DNAJC6: variants seen among roughly 807,000 people sequenced by gnomAD.
DNAJC6 encodes the protein auxilin.
Under a neutral mutation model 110.0 loss-of-function variants are expected in DNAJC6, and 34 were observed. That is an observed-to-expected ratio of 0.31 (90% CI 0.24 to 0.41). The LOEUF is 0.41. DNAJC6 is among the 10% of genes least tolerant of loss of function. The pLI is 1.00. For missense variants in DNAJC6, 1,031 were observed against 1,207.8 expected (o/e 0.85, Z 2.17); for synonymous variants, 406 against 437.2 (o/e 0.93, Z 0.89).
At chr1:65,316,282 T>A (rs1645147916) in intron 1 of DNAJC6, among the ~76,000 whole-genome samples, 1 of 152,166 alleles carries the variant, frequency 6.6e-6, no homozygotes, top group Non-Finnish European at 1.5e-5. Flanking sequence ...TACACTGTTC[T>A]CTCAACTCAG....
Position 65,265,024 on chromosome 1 carries a change from T to C in DNAJC6, c.-131+92T>C. 7 of 1,193,704 alleles carry C rather than the reference T, an allele frequency of 5.9e-6. No homozygotes were observed. The Admixed American group carries it at 1.0e-4, about 18-fold the overall frequency. 73.9% of individuals were successfully genotyped at this position (1,193,704 alleles called of 1,614,324 possible). A position where few individuals can be genotyped will look rare whatever the true frequency, so the allele number is the denominator to read the frequency against. ...TGTCACTCCACAGACATATTTAGTT[T>C]GTATTAATGGCTAGTTTAAAATTAC... On this transcript the variant is annotated intron_variant, in intron 1 of 19. Transcript: ENST00000263441.
chr1:65,321,416 G>A (rs1645196112), intron 1 of DNAJC6, among the ~76,000 whole-genome samples: 2 of 74,330 alleles, frequency 2.7e-5, no homozygotes, highest in South Asian at 4.5e-4. Flanking sequence ...TGCCCAGGAC[G>A]GTCTTGAGAC....
At chr1:65,344,450 CT>C (rs573400793) in intron 1 of DNAJC6, among the ~76,000 whole-genome samples, 1 of 152,140 alleles carries the variant, frequency 6.6e-6, no homozygotes, top group African/African-American at 2.4e-5. Flanking sequence ...ACATCCGACT[CT>C]TTTGATGGTT....
chr1:65,385,946 A>T, intron 7 of DNAJC6, 40 bp downstream of exon 7: 1 of 1,490,578 alleles, frequency 6.7e-7, no homozygotes, highest in Middle Eastern at 1.8e-4. Flanking sequence ...GTACTTCTCA[A>T]TTCTCATGTA....
At chr1:65,292,335 T>G (rs1320020035) in intron 1 of DNAJC6, among the ~76,000 whole-genome samples, 2 of 148,242 alleles carry the variant, frequency 1.3e-5, no homozygotes, top group Admixed American at 6.7e-5. Context: ...TTTTTTTTGT[T>G]TTTTTTTTTT....
chr1:65,404,735 T>A (rs1646059283), intron 15 of DNAJC6, among the ~76,000 whole-genome samples: 1 of 152,190 alleles, frequency 6.6e-6, no homozygotes. Flanking sequence ...AGTGAAAGGC[T>A]TAGCAATTAG....
chr1:65,340,451 G>GATA (rs1312943936), intron 1 of DNAJC6, among the ~76,000 whole-genome samples: 1 of 152,152 alleles, frequency 6.6e-6, no homozygotes, highest in Non-Finnish European at 1.5e-5. Context: ...TGCTATTGGC[G>GATA]ATTGCACTGA....
chr1:65,369,336 T>G (rs1193798880), intron 4 of DNAJC6, among the ~76,000 whole-genome samples: 1 of 152,208 alleles, frequency 6.6e-6, no homozygotes, highest in African/African-American at 2.4e-5. Context: ...CTCCTAGACC[T>G]TTCTTTCCCC....
intron 1 of DNAJC6, among the ~76,000 whole-genome samples, chr1:65,330,052 A>G (rs1437999711): frequency 6.6e-6 from 1 of 152,142 alleles, no homozygotes; most frequent in Non-Finnish European, 1.5e-5. Context: ...AGCCCTGTTT[A>G]ACTTACTGCC....
At chr1:65,275,587 T>C (rs1211717880) in intron 1 of DNAJC6, among the ~76,000 whole-genome samples, 1 of 152,212 alleles carries the variant, frequency 6.6e-6, no homozygotes, top group African/African-American at 2.4e-5. Flanking sequence ...TCAGTCCTTC[T>C]TGAATCTGTG....
At chr1:65,411,731 G>T (rs1249594810) in intron 18 of DNAJC6, among the ~76,000 whole-genome samples, 1 of 152,020 alleles carries the variant, frequency 6.6e-6, no homozygotes. Flanking sequence ...CACTTTGGGG[G>T]GGGCAGGGTA....
intron 1 of DNAJC6, among the ~76,000 whole-genome samples, chr1:65,319,934 TTC>T (rs1645182826): frequency 6.6e-6 from 1 of 152,144 alleles, no homozygotes; most frequent in Admixed American, 6.5e-5. Flanking sequence ...TCTCCTCCCC[TTC>T]TCTCTAGTCA....
At chr1:65,288,510 A>G (rs1426778264) in intron 1 of DNAJC6, among the ~76,000 whole-genome samples, 1 of 152,208 alleles carries the variant, frequency 6.6e-6, no homozygotes, top group Non-Finnish European at 1.5e-5. Flanking sequence ...CTACATAATG[A>G]TTTGTGAGTG....
At chr1:65,368,908 A>G (rs1645679123) in intron 4 of DNAJC6, among the ~76,000 whole-genome samples, 1 of 151,498 alleles carries the variant, frequency 6.6e-6, no homozygotes. Context: ...AGTAGCTGGG[A>G]TTACAGATGT....
At chr1:65,350,401 T>C (rs1205876019) in intron 1 of DNAJC6, among the ~76,000 whole-genome samples, 2 of 152,234 alleles carry the variant, frequency 1.3e-5, no homozygotes, top group Non-Finnish European at 2.9e-5. Flanking sequence ...TTTAAGCCTT[T>C]GAACATATTA....
intron 1 of DNAJC6, among the ~76,000 whole-genome samples, chr1:65,341,730 G>A (rs1275289173): frequency 6.6e-6 from 1 of 152,012 alleles, no homozygotes; most frequent in East Asian, 1.9e-4. Flanking sequence ...GCTGGTGCAT[G>A]TGGCTTTTGA....
Position 65,389,667 on chromosome 1 carries a change from T to C in DNAJC6, c.1468+40T>C, listed in dbSNP as rs774945685. 8.8e-6 allele frequency: 14 copies of C among 1,598,530 alleles called. No individual in the cohort carries two copies. In the Admixed American group the frequency reaches 1.3e-4, roughly 15 times the overall value. On this transcript the variant is annotated intron_variant, in intron 11 of 18. Transcript: ENST00000371069. ...TTCTTTAAGTCACATGGTTTGATGA[T>C]TATGTATTTCTTCTGTAAAGATGTT...
chr1:65,348,575 A>G (rs1259836724), intron 1 of DNAJC6, among the ~76,000 whole-genome samples: 1 of 152,150 alleles, frequency 6.6e-6, no homozygotes, highest in Admixed American at 6.6e-5. Flanking sequence ...TCATGTTAAT[A>G]TAGGCCTACC....
chr1:65,409,727 C>T (rs1646111034), intron 17 of DNAJC6, among the ~76,000 whole-genome samples: 1 of 152,156 alleles, frequency 6.6e-6, no homozygotes, highest in African/African-American at 2.4e-5. Context: ...TGGCTCCTGT[C>T]TTCCCCATTG....
Sources: gnomAD v4.1 joint callset for allele counts (sites outside exome capture counted in the v4.1 genomes callset) on GRCh38, gnomAD v4.1.1 for gene constraint, MANE v1.5 for transcripts, NCBI Gene and HGNC (gene_info 2026-07-23, HGNC 2026-07-21) for gene names.